The following RUBCNL variants were observed in gnomAD, a reference collection of about 807,000 sequenced individuals.
The protein encoded by RUBCNL is rubicon like autophagy enhancer, also known as protein associated with UVRAG as autophagy enhancer.
A neutral mutation model predicts 69.5 loss-of-function variants in RUBCNL; 62 were observed. The observed-to-expected ratio is 0.89, with a 90% CI of 0.73 to 1.10. RUBCNL has a LOEUF of 1.10. Among genes scored for constraint, RUBCNL ranks in the 50% least tolerant of loss-of-function variants. The pLI, the probability that RUBCNL is intolerant of heterozygous loss-of-function variation, is 0.00. For synonymous variants in RUBCNL, 291 were observed against 303.6 expected (o/e 0.96, Z 0.43); for missense variants, 768 against 798.1 (o/e 0.96, Z 0.45).
At chr13:46,360,256 T>C (rs1290062644) in intron 8 of RUBCNL, among the ~76,000 whole-genome samples, 1 of 152,198 alleles carries the variant, frequency 6.6e-6, no homozygotes, top group African/African-American at 2.4e-5. Context: ...AGAAATTGCT[T>C]GAACCCAGGA....
chr13:46,345,574 G>A lies in RUBCNL; in HGVS notation c.1658C>T (p.Pro553Leu), dbSNP rs748893134. 9.9e-6 allele frequency: 16 copies of A among 1,613,464 alleles called. No homozygotes were observed. The highest frequency in any genetic ancestry group is 2.7e-5 in the African/African-American group (2 of 74,876). ...GTGGAGCTCATCAGTCAAGTGTCCC[G>A]GCACCTGCTCGAACTCCTTTAATGC... Reference protein sequence around the residue: ...NSALKEFEQVPGHLTDELHLF... With the variant: ...NSALKEFEQVLGHLTDELHLF... The change falls in exon 13 of 15, where the codon CCG (proline) becomes CTG (leucine). Residue 553 changes from proline to leucine, a missense_variant. Pro to Leu is a moderately conservative substitution (Grantham distance 98). Coordinates refer to ENST00000429979, the MANE Select transcript of RUBCNL (RefSeq NM_025113.5).
chr13:46,376,751 T>C (rs1421726214), intron 2 of RUBCNL, among the ~76,000 whole-genome samples: 1 of 152,252 alleles, frequency 6.6e-6, no homozygotes, highest in East Asian at 1.9e-4. Context: ...TAGACCTTTA[T>C]CTATGAATTA....
rs2048228560 is a variant in RUBCNL at position 46,345,570 on chromosome 13, T to C, written c.1662A>G (p.Gly554=). The change falls in exon 13 of 15, where the codon GGA becomes GGG. Residue 554 remains glycine, a synonymous_variant. Coordinates refer to ENST00000429979, the MANE Select transcript of RUBCNL (RefSeq NM_025113.5). ...SALKEFEQVP[G]HLTDELHLFS... is the part of the protein sequence containing the mutation. Reference sequence around the variant, plus strand: ...ACAGGTGGAGCTCATCAGTCAAGTGTCCCGGCACCTGCTCGAACTCCTTTA... The same window carrying C: ...ACAGGTGGAGCTCATCAGTCAAGTGCCCCGGCACCTGCTCGAACTCCTTTA... 6.2e-7 allele frequency: 1 copy of C among 1,613,548 alleles called. No individual in the cohort carries two copies. Among genetic ancestry groups the C allele is most frequent in the African/African-American group, 1.3e-5 (1 of 74,908 alleles).
chr13:46,362,172 G>A (rs1375679968), intron 7 of RUBCNL, among the ~76,000 whole-genome samples: 1 of 152,110 alleles, frequency 6.6e-6, no homozygotes, highest in Non-Finnish European at 1.5e-5. Flanking sequence ...AGGAGGCGGA[G>A]GTTGCAGTGA....
chr13:46,368,807 G>C lies in RUBCNL; in HGVS notation c.544C>G (p.Gln182Glu), dbSNP rs751110772. ...GAAGAAATGGTTCTTCTACTGACTT[G>C]AACAGCACCTGCCAATATAGCAAAT... ...LTSAADEGAV[Q>E]VSRRTISSNS... is the part of the protein sequence containing the mutation. Residue 182 changes from glutamine (Q) to glutamate (E), a missense_variant, in exon 4 of 15, where the codon CAA becomes GAA. Transcript: ENST00000429979. 3 of 1,612,756 alleles carry C rather than the reference G, an allele frequency of 1.9e-6. No individual in the cohort carries two copies. Among genetic ancestry groups the C allele is most frequent in the Non-Finnish European group, 2.5e-6 (3 of 1,179,224 alleles).
rs778072302 is a variant in RUBCNL at position 46,343,462 on chromosome 13, A to C, written c.1912T>G (p.Ser638Ala). 6.2e-7 allele frequency: 1 copy of C among 1,613,904 alleles called. No individual in the cohort carries two copies. Among genetic ancestry groups the C allele is most frequent in the South Asian group, 1.1e-5 (1 of 91,058 alleles). ...CTCGCACACCGGGGGCACTCGGAGG[A>C]CTGGAAGCACTGTTTGTGAAAGCAA... The part of the protein sequence containing the change: ...RACFHKQCFQ[S>A]SECPRCARIT... The change falls in exon 15 of 15, where the codon TCC becomes GCC. Residue 638 changes from serine to alanine, a missense_variant. Ser to Ala is a moderately conservative substitution (Grantham distance 99, BLOSUM62 1). Coordinates refer to ENST00000429979, the MANE Select transcript of RUBCNL (RefSeq NM_025113.5).
chr13:46,363,220 A>G lies in RUBCNL; in HGVS notation c.827-7T>C. On this transcript the variant is annotated splice_region_variant and splice_polypyrimidine_tract_variant and intron_variant, in intron 5 of 14. Transcript: ENST00000429979. ...ACCTGTAACACAGCACAACCTAGACAAAGAAAGGAAGGAGGTTTTTACCAA... is the reference window on the plus strand; with the variant it reads ...ACCTGTAACACAGCACAACCTAGACGAAGAAAGGAAGGAGGTTTTTACCAA... 6.8e-7 allele frequency: 1 copy of G among 1,465,546 alleles called. No homozygotes were observed. Among genetic ancestry groups the G allele is most frequent in the Non-Finnish European group, 9.1e-7 (1 of 1,095,586 alleles). 90.8% of individuals were successfully genotyped at this position (1,465,546 alleles called of 1,614,324 possible). A position where few individuals can be genotyped will look rare whatever the true frequency, so the allele number is the denominator to read the frequency against.
intron 1 of RUBCNL, among the ~76,000 whole-genome samples, chr13:46,384,582 A>G (rs1405758505): frequency 6.6e-6 from 1 of 152,158 alleles, no homozygotes; most frequent in Non-Finnish European, 1.5e-5. Flanking sequence ...AAAAACGTTG[A>G]GGTCTAATTT....
intron 1 of RUBCNL, 115 bp from the exon 2 acceptor site, chr13:46,378,120 A>T (rs2049038070): frequency 3.4e-6 from 2 of 590,102 alleles, no homozygotes; most frequent in African/African-American, 3.8e-5. Flanking sequence ...TTTTTTACTG[A>T]GCATCTACTA....
chr13:46,345,480 C>T lies in RUBCNL; in HGVS notation c.1752G>A (p.Leu584=). The T allele has an allele frequency of 6.3e-7, 1 of 1,582,340 alleles. No homozygotes were observed. Among genetic ancestry groups the T allele is most frequent in the Non-Finnish European group, 8.6e-7 (1 of 1,164,298 alleles). The part of the protein sequence containing the change: ...GLLAPLLKDI[L]KASLAHVAGC... Reference sequence around the variant, plus strand: ...CAGCCACATGTGCAAGGGAAGCTTTCAGAATGTCCTTGAGTAAGGGTGCCA... The same window carrying T: ...CAGCCACATGTGCAAGGGAAGCTTTTAGAATGTCCTTGAGTAAGGGTGCCA... The change falls in exon 13 of 15, where the codon CTG becomes CTA. Residue 584 remains leucine, a synonymous_variant. Transcript: ENST00000429979.
At chr13:46,360,217 T>C (rs950659182) in intron 8 of RUBCNL, among the ~76,000 whole-genome samples, 5 of 152,102 alleles carry the variant, frequency 3.3e-5, no homozygotes, top group Non-Finnish European at 7.4e-5. Context: ...AGTGAAACCC[T>C]GTCTCTACTA....
At chr13:46,378,270 C>G (rs568334381) in intron 1 of RUBCNL, among the ~76,000 whole-genome samples, 1 of 152,272 alleles carries the variant, frequency 6.6e-6, no homozygotes, top group East Asian at 1.9e-4. Context: ...GACACACAAT[C>G]ATTTCAAGGA....
Position 46,372,315 on chromosome 13 carries a change from A to C in RUBCNL, c.161T>G (p.Ile54Ser). The stretch of plus-strand genomic sequence containing the variant: ...CTGTTGCTGCACATCCTGGGGGTTA[A>C]TCCAGACAGCTTTGTGCCTCATGAG... ...IRLMRHKAVW[I>S]NPQDVQQQPQ... Residue 54 changes from isoleucine (I) to serine (S), a missense_variant, in exon 3 of 15, where the codon ATT becomes AGT. Coordinates refer to ENST00000429979, the MANE Select transcript of RUBCNL (RefSeq NM_025113.5). The C allele has an allele frequency of 6.2e-7, 1 of 1,614,002 alleles. No individual in the cohort carries two copies. Among genetic ancestry groups the C allele is most frequent in the South Asian group, 1.1e-5 (1 of 91,086 alleles).
At chr13:46,354,574 C>T (rs139119042) in intron 10 of RUBCNL, among the ~76,000 whole-genome samples, 1 of 152,328 alleles carries the variant, frequency 6.6e-6, no homozygotes, top group East Asian at 1.9e-4. Flanking sequence ...TCTCTGGCCA[C>T]ACAGGGTTTC....
At chr13:46,350,409 T>C (rs1594137066) in intron 10 of RUBCNL, 58 bp from the exon 11 acceptor site, 2 of 1,236,842 alleles carry the variant, frequency 1.6e-6, no homozygotes, top group Non-Finnish European at 1.1e-6. Context: ...TATCCTGGTA[T>C]ACCCCGACTT....
In RUBCNL at chr13:46,343,080, A is replaced by G; in HGVS notation, c.*305T>C. 1 of 436,812 alleles carries G rather than the reference A, an allele frequency of 2.3e-6. No homozygotes were observed. Among genetic ancestry groups the G allele is most frequent in the Non-Finnish European group, 4.1e-6 (1 of 242,828 alleles). The allele number at this position is 436,812 out of a possible 1,614,324, so 27.1% of individuals were successfully genotyped here. A position where few individuals can be genotyped will look rare whatever the true frequency, so the allele number is the denominator to read the frequency against. ...TTACAGTTCACATATATGCACACACATACAAACTGGCTCAGCATCAGTGAA... is the reference window on the plus strand; with the variant it reads ...TTACAGTTCACATATATGCACACACGTACAAACTGGCTCAGCATCAGTGAA... On this transcript the variant is annotated 3_prime_UTR_variant, in exon 15 of 15. Coordinates refer to ENST00000429979, the MANE Select transcript of RUBCNL (RefSeq NM_025113.5).
intron 12 of RUBCNL, among the ~76,000 whole-genome samples, chr13:46,347,451 T>G (rs974028733): frequency 6.6e-6 from 1 of 152,096 alleles, no homozygotes; most frequent in Non-Finnish European, 1.5e-5. Context: ...TTTAAATCTC[T>G]ACCTATATCC....
chr13:46,363,058 T>C (rs259699), intron 6 of RUBCNL, 57 bp downstream of exon 6: 236,846 of 963,608 alleles, frequency 0.25, 34,690 homozygotes, highest in East Asian at 0.61. Context: ...TTAGTGTGTG[T>C]ATGCGGATGG....
At position 46,349,271 on chromosome 13, in the gene RUBCNL, A is replaced by G; in HGVS notation, c.1631+15T>C. 2 of 1,612,248 alleles carry G rather than the reference A, an allele frequency of 1.2e-6. No individual in the cohort carries two copies. The highest frequency in any genetic ancestry group is 1.7e-6 in the Non-Finnish European group (2 of 1,178,510). On this transcript the variant is annotated intron_variant, in intron 12 of 14. Coordinates refer to ENST00000429979, the MANE Select transcript of RUBCNL (RefSeq NM_025113.5). ...GTATGGAGGGAAGGCAGCCTGTCCC[A>G]GCTGAGAATAGTACCTGTTAGCAAA...
Sources: allele counts gnomAD v4.1 joint callset (sites outside exome capture counted in the v4.1 genomes callset), GRCh38; gene constraint gnomAD v4.1.1; transcripts MANE v1.5; gene names NCBI Gene and HGNC (gene_info 2026-07-23, HGNC 2026-07-21).